CLEC2D: variants seen among roughly 807,000 people sequenced by gnomAD.
CLEC2D encodes C-type lectin domain family 2 member D.
Under a neutral mutation model 20.0 loss-of-function variants are expected in CLEC2D, and 16 were observed. The observed-to-expected ratio is 0.80, with a 90% CI of 0.54 to 1.22. CLEC2D has a LOEUF of 1.22. Among genes scored for constraint, CLEC2D ranks in the 50% most tolerant of loss-of-function variants. CLEC2D has a pLI of 0.00. For missense variants in CLEC2D, 207 were observed against 221.5 expected, an observed-to-expected ratio of 0.93 and a Z score of 0.42; for synonymous variants, 77 against 71.1, an observed-to-expected ratio of 1.08 and a Z score of -0.42.
At chr12:9,674,671 A>C (rs1277805231) in intron 1 of CLEC2D, among the ~76,000 whole-genome samples, 1 of 152,184 alleles carries the variant, frequency 6.6e-6, no homozygotes, top group Non-Finnish European at 1.5e-5. Context: ...TGATATTGTT[A>C]ATGTTTTAAT....
In CLEC2D at chr12:9,698,124, G is replaced by A. The variant is rs1866042829; in HGVS notation, c.*3250G>A. On this transcript the variant is annotated 3_prime_UTR_variant, in exon 5 of 5. Coordinates refer to ENST00000290855, the MANE Select transcript of CLEC2D (RefSeq NM_013269.6). ...TTTTTTAAATTTTTAGCTGACAACT[G>A]TATAATTATGGAATACAATGTGATG... 1 of 151,844 alleles carries A rather than the reference G, an allele frequency of 6.6e-6. No individual in the cohort carries two copies. Among genetic ancestry groups the A allele is most frequent in the Non-Finnish European group, 1.5e-5 (1 of 67,854 alleles). 9.4% of individuals were successfully genotyped at this position (151,844 alleles called of 1,614,324 possible). A position where few individuals can be genotyped will look rare whatever the true frequency, so the allele number is the denominator to read the frequency against.
chr12:9,675,241 C>T (rs970655510), intron 1 of CLEC2D, among the ~76,000 whole-genome samples: 1 of 148,778 alleles, frequency 6.7e-6, no homozygotes, highest in Admixed American at 6.8e-5. Context: ...TTGCCCAGGC[C>T]GGAGTGCAGT....
chr12:9,689,645 C>CAAT (rs1865822924), intron 3 of CLEC2D, among the ~76,000 whole-genome samples: 1 of 151,800 alleles, frequency 6.6e-6, no homozygotes, highest in African/African-American at 2.4e-5. Flanking sequence ...ATTAGAATAT[C>CAAT]AATATAAAGG....
chr12:9,670,094 A>G (rs994963294), intron 1 of CLEC2D, among the ~76,000 whole-genome samples: 1 of 152,172 alleles, frequency 6.6e-6, no homozygotes, highest in Non-Finnish European at 1.5e-5. Context: ...ACAAACTCTA[A>G]AGTGTTACTC....
intron 3 of CLEC2D, among the ~76,000 whole-genome samples, chr12:9,689,778 C>T (rs1865825112): frequency 6.6e-6 from 1 of 151,774 alleles, no homozygotes; most frequent in Non-Finnish European, 1.5e-5. Flanking sequence ...AGTAAGAGAT[C>T]AGAAAACTTG....
intron 3 of CLEC2D, 46 bp downstream of exon 3, chr12:9,688,132 G>T: frequency 7.0e-7 from 1 of 1,433,094 alleles, no homozygotes; most frequent in Non-Finnish European, 9.2e-7. Context: ...GCCCTACAAG[G>T]ATATGTTTTC....
intron 1 of CLEC2D, among the ~76,000 whole-genome samples, chr12:9,671,011 G>A (rs565773876): frequency 1.3e-4 from 20 of 152,132 alleles, no homozygotes; most frequent in Non-Finnish European, 2.5e-4. Context: ...CATCTGACCC[G>A]TACTTTCAGG....
chr12:9,669,846 A>G (rs778893344), intron 1 of CLEC2D, 51 bp downstream of exon 1: 5 of 1,432,620 alleles, frequency 3.5e-6, no homozygotes, highest in Admixed American at 3.4e-5. Context: ...ATGGGAAGGT[A>G]GTGGTAGTGA....
At chr12:9,677,755 C>T (rs1455825521) in intron 1 of CLEC2D, among the ~76,000 whole-genome samples, 1 of 140,804 alleles carries the variant, frequency 7.1e-6, no homozygotes, top group South Asian at 2.2e-4. Flanking sequence ...GACAGAGTCT[C>T]GCTCTGTCAC....
chr12:9,687,370 CAGGAGGT>C (rs1159286771), intron 2 of CLEC2D, among the ~76,000 whole-genome samples: 1 of 152,146 alleles, frequency 6.6e-6, no homozygotes, highest in Non-Finnish European at 1.5e-5. Flanking sequence ...GCTGATCTGA[CAGGAGGT>C]GGAGCTCATG....
At chr12:9,691,495 A>T (rs1865863086) in intron 3 of CLEC2D, among the ~76,000 whole-genome samples, 1 of 152,180 alleles carries the variant, frequency 6.6e-6, no homozygotes, top group South Asian at 2.1e-4. Flanking sequence ...ACATTCTTAA[A>T]CCATATGTTA....
At chr12:9,678,119 G>T (rs969074254) in intron 1 of CLEC2D, among the ~76,000 whole-genome samples, 3 of 152,084 alleles carry the variant, frequency 2.0e-5, no homozygotes, top group Admixed American at 2.0e-4. Flanking sequence ...TTTGCCTCAC[G>T]TAGTTAAATA....
At chr12:9,669,859 G>A in intron 1 of CLEC2D, 64 bp downstream of exon 1, 1 of 1,281,064 alleles carries the variant, frequency 7.8e-7, no homozygotes, top group South Asian at 1.2e-5. Context: ...GGTAGTGATG[G>A]GCTCACACAG....
rs1427167954 is a variant in CLEC2D, at chr12:9,697,838, GAT to G, written c.*2967_*2968del. 5.9e-5 allele frequency: 9 copies of G among 152,218 alleles called. No homozygotes were observed. Among genetic ancestry groups the G allele is most frequent in the African/African-American group, 2.2e-4 (9 of 41,548 alleles). The allele number at this position is 152,218 out of a possible 1,614,324, so 9.4% of individuals were successfully genotyped here. The stretch of plus-strand genomic sequence containing the variant: ...CAGTTACAAAGGGTGAGTATGTCTA[GAT>G]ATCTAACATACAGTATGAGGACTAT... On this transcript the variant is annotated 3_prime_UTR_variant, in exon 5 of 5. Transcript: ENST00000290855.
chr12:9,693,350 G>C lies in CLEC2D; in HGVS notation c.461+419G>C, dbSNP rs547230059. The C allele has an allele frequency of 4.5e-4, 161 of 356,326 alleles. 2 individuals are homozygous for C. The South Asian group carries it at 9.6e-3, about 21-fold the overall frequency. 22.1% of individuals were successfully genotyped at this position (356,326 alleles called of 1,614,324 possible). A position where few individuals can be genotyped will look rare whatever the true frequency, so the allele number is the denominator to read the frequency against. ...ACCTATTATTTAAAATAAGACAATA[G>C]TTTTAAAATTTTAAAATGGGTAAAG... On this transcript the variant is annotated intron_variant, in intron 4 of 4. Transcript: ENST00000290855.
Position 9,696,017 on chromosome 12 carries a change from G to A in CLEC2D, c.*1143G>A. The A allele has an allele frequency of 2.1e-6, 3 of 1,450,338 alleles. No individual in the cohort carries two copies. The highest frequency in any genetic ancestry group is 1.1e-5 in the South Asian group (1 of 88,020). The allele number at this position is 1,450,338 out of a possible 1,614,324, so 89.8% of individuals were successfully genotyped here. A position where few individuals can be genotyped will look rare whatever the true frequency, so the allele number is the denominator to read the frequency against. ...CCATCATCAACACCAAGATCAAAAGGACAAGAATCCTTCAAAAAACAGGAA... is the reference window on the plus strand; with the variant it reads ...CCATCATCAACACCAAGATCAAAAGAACAAGAATCCTTCAAAAAACAGGAA... On this transcript the variant is annotated 3_prime_UTR_variant, in exon 5 of 5. Transcript: ENST00000290855.
chr12:9,688,516 G>C (rs1348299572), intron 3 of CLEC2D, among the ~76,000 whole-genome samples: 1 of 152,192 alleles, frequency 6.6e-6, no homozygotes, highest in Non-Finnish European at 1.5e-5. Flanking sequence ...TCAGGAGTTT[G>C]AGATCAGCCT....
In CLEC2D at chr12:9,669,811, C is replaced by G. The variant is rs1475820727; in HGVS notation, c.61+16C>G. ...GCAAACCCAGGTAAGAAGCTGGGCT[C>G]TACAGAGTAAGTGTGAGGACTGGAA... On this transcript the variant is annotated intron_variant, in intron 1 of 4. Coordinates refer to ENST00000290855, the MANE Select transcript of CLEC2D (RefSeq NM_013269.6). 6.3e-7 allele frequency: 1 copy of G among 1,594,744 alleles called. No homozygotes were observed. Among genetic ancestry groups the G allele is most frequent in the South Asian group, 1.1e-5 (1 of 90,698 alleles).
chr12:9,687,073 A>G (rs1865764731), intron 2 of CLEC2D, among the ~76,000 whole-genome samples: 1 of 152,170 alleles, frequency 6.6e-6, no homozygotes, highest in African/African-American at 2.4e-5. Flanking sequence ...GGGGTCAAGG[A>G]ATGGTTTGGG....
Sources: allele counts gnomAD v4.1 joint callset (sites outside exome capture counted in the v4.1 genomes callset), GRCh38; gene constraint gnomAD v4.1.1; transcripts MANE v1.5; gene names NCBI Gene and HGNC (gene_info 2026-07-23, HGNC 2026-07-21).